The following IP6K2 variants were observed in gnomAD, a reference collection of about 807,000 sequenced individuals.
IP6K2 encodes the protein ATP:1D-myo-inositol-hexakisphosphate phosphotransferase.
In IP6K2, 9 loss-of-function variants were observed where a neutral mutation model predicts 43.3. The observed-to-expected ratio is 0.21, with a 90% CI of 0.13 to 0.36. The LOEUF is 0.36. Ranked by LOEUF, IP6K2 falls within the 10% of genes least tolerant of loss-of-function variation. The probability of loss-of-function intolerance (pLI) is 1.00; values close to 1 mark genes in which losing one functional copy is unlikely to be tolerated. For synonymous variants in IP6K2, 209 were observed against 202.4 expected, an observed-to-expected ratio of 1.03 and a Z score of -0.28; for missense variants, 332 against 538.4, an observed-to-expected ratio of 0.62 and a Z score of 3.79.
At chr3:48,715,929 C>T (rs559445235) in intron 1 of IP6K2, among the ~76,000 whole-genome samples, 44 of 141,942 alleles carry the variant, frequency 3.1e-4, no homozygotes, top group Admixed American at 2.9e-3. Flanking sequence ...AACTTTTTCT[C>T]AAAAAAAAAA....
chr3:48,700,693 G>A (rs983846726), intron 1 of IP6K2, among the ~76,000 whole-genome samples: 1 of 152,150 alleles, frequency 6.6e-6, no homozygotes, highest in Non-Finnish European at 1.5e-5. Flanking sequence ...AAATGGCTAT[G>A]ACTCATGAAA....
intron 1 of IP6K2, among the ~76,000 whole-genome samples, chr3:48,708,845 G>A (rs1477303745): frequency 3.3e-5 from 5 of 152,198 alleles, no homozygotes; most frequent in African/African-American, 1.2e-4. Context: ...GGCCAAGGCA[G>A]GATGACTGTT....
At position 48,695,433 on chromosome 3, in the gene IP6K2, C is replaced by T; in HGVS notation, c.-130-12G>A. ...GCCAGGATGCTCTGCTGGAAGCAAA[C>T]AAAATGATGACATGGGGGTTCGAAG... On this transcript the variant is annotated splice_polypyrimidine_tract_variant and intron_variant, in intron 1 of 5. Coordinates refer to ENST00000328631, the MANE Select transcript of IP6K2 (RefSeq NM_016291.4). The surrounding 1 kb of genome is among the most constrained non-coding windows in gnomAD (Gnocchi z 4.6). The T allele has an allele frequency of 4.2e-6, 6 of 1,418,392 alleles. No homozygotes were observed. The highest frequency in any genetic ancestry group is 1.5e-5 in the South Asian group (1 of 65,268). 87.9% of individuals were successfully genotyped at this position (1,418,392 alleles called of 1,614,324 possible). A position where few individuals can be genotyped will look rare whatever the true frequency, so the allele number is the denominator to read the frequency against.
chr3:48,693,994 C>G, intron 2 of IP6K2: 20 of 1,367,848 alleles, frequency 1.5e-5, no homozygotes, highest in South Asian at 1.1e-4. Context: ...GCCTTACAAA[C>G]GACTGGCTGA....
chr3:48,703,157 G>T (rs1489455907), intron 1 of IP6K2, among the ~76,000 whole-genome samples: 1 of 152,200 alleles, frequency 6.6e-6, no homozygotes, highest in Non-Finnish European at 1.5e-5. Flanking sequence ...TGCTGGTGTA[G>T]AAACATTTCA....
intron 2 of IP6K2, chr3:48,694,860 C>T: frequency 6.5e-7 from 1 of 1,537,518 alleles, no homozygotes; most frequent in Non-Finnish European, 8.7e-7. Context: ...CTACCAAAAT[C>T]AAACTCAAAT....
At chr3:48,708,772 A>G (rs962676160) in intron 1 of IP6K2, among the ~76,000 whole-genome samples, 7 of 152,154 alleles carry the variant, frequency 4.6e-5, no homozygotes, top group African/African-American at 7.2e-5. Context: ...TCATATGCCA[A>G]TAAGTAATGG....
chr3:48,694,977 G>A, intron 2 of IP6K2, 113 bp downstream of exon 2: 1 of 1,600,962 alleles, frequency 6.2e-7, no homozygotes, highest in Non-Finnish European at 8.5e-7. Context: ...GGGAGGGAAA[G>A]CACAGAGTGG....
intron 1 of IP6K2, among the ~76,000 whole-genome samples, chr3:48,696,834 T>C (rs532073222): frequency 1.3e-5 from 2 of 152,244 alleles, no homozygotes; most frequent in South Asian, 4.1e-4. Flanking sequence ...AGGAATTTCT[T>C]ATGTCATTTG....
At chr3:48,700,341 C>T (rs1306131225) in intron 1 of IP6K2, among the ~76,000 whole-genome samples, 2 of 152,180 alleles carry the variant, frequency 1.3e-5, no homozygotes, top group Non-Finnish European at 2.9e-5. Flanking sequence ...CTGTTTCTCT[C>T]TCTCTCTTTT....
At chr3:48,710,015 T>C (rs1250839466) in intron 1 of IP6K2, among the ~76,000 whole-genome samples, 1 of 152,144 alleles carries the variant, frequency 6.6e-6, no homozygotes, top group Non-Finnish European at 1.5e-5. Flanking sequence ...CATTCACAGT[T>C]CCAAAGCAAA....
chr3:48,709,967 T>C (rs2080294018), intron 1 of IP6K2, among the ~76,000 whole-genome samples: 1 of 151,732 alleles, frequency 6.6e-6, no homozygotes, highest in African/African-American at 2.4e-5. Flanking sequence ...TCCAGAAAAA[T>C]ATTTTAAAAT....
In IP6K2 at chr3:48,712,746, G is replaced by A. The variant is rs538036692; in HGVS notation, c.-131+4411C>T. ...AATTTGTATGTGCAGGCCGGGCGCA[G>A]TGGCTCACACCTGTAATCCCAGCAC... On this transcript the variant is annotated intron_variant, in intron 1 of 5. Coordinates refer to ENST00000328631, the MANE Select transcript of IP6K2 (RefSeq NM_016291.4). 2.6e-5 allele frequency among the ~76,000 whole-genome samples: 4 copies of A among 151,988 alleles called. No homozygotes were observed. The South Asian group carries it at 8.3e-4, about 32-fold the overall frequency.
chr3:48,694,009 C>T, intron 2 of IP6K2: 1 of 1,405,008 alleles, frequency 7.1e-7, no homozygotes, highest in Non-Finnish European at 9.3e-7. Flanking sequence ...GGCTGAACAC[C>T]TTTCCTCCCA....
At chr3:48,708,655 A>G (rs902662604) in intron 1 of IP6K2, among the ~76,000 whole-genome samples, 1 of 145,796 alleles carries the variant, frequency 6.9e-6, no homozygotes, top group South Asian at 2.1e-4. Flanking sequence ...ATTGTAAGAA[A>G]CTAACTCAAC....
At chr3:48,715,388 C>G in intron 1 of IP6K2, 1 of 1,536,258 alleles carries the variant, frequency 6.5e-7, no homozygotes, top group Middle Eastern at 1.7e-4. Context: ...CAGGAGCTTA[C>G]AGAAGGCTCT....
intron 1 of IP6K2, among the ~76,000 whole-genome samples, chr3:48,700,428 C>T (rs1158234939): frequency 1.3e-5 from 2 of 151,820 alleles, no homozygotes; most frequent in Non-Finnish European, 1.5e-5. Context: ...AAAGCCCATG[C>T]AATGTGTGGG....
At chr3:48,694,396 C>G in intron 2 of IP6K2, 2 of 1,546,012 alleles carry the variant, frequency 1.3e-6, no homozygotes. Flanking sequence ...CTAAGTTGTT[C>G]TAGAGTCCTT....
chr3:48,705,935 G>A (rs1348586573), intron 1 of IP6K2, among the ~76,000 whole-genome samples: 1 of 150,862 alleles, frequency 6.6e-6, no homozygotes, highest in African/African-American at 2.4e-5. Flanking sequence ...GACAGGCATA[G>A]TGGCTCACGC....
Sources: gnomAD v4.1 joint callset for allele counts (sites outside exome capture counted in the v4.1 genomes callset) on GRCh38, gnomAD v4.1.1 for gene constraint, Gnocchi (gnomAD v3.1) non-coding constraint, MANE v1.5 for transcripts, NCBI Gene and HGNC (gene_info 2026-07-23, HGNC 2026-07-21) for gene names.